SERPINE2: variants seen among roughly 807,000 people sequenced by gnomAD.
The protein encoded by SERPINE2 is serpin family E member 2.
In SERPINE2, 14 loss-of-function variants were observed where a neutral mutation model predicts 36.3. The ratio of observed to expected loss-of-function variants is 0.39; its 90% CI spans 0.25 to 0.60. The LOEUF (loss-of-function observed/expected upper bound fraction) is 0.60. Among genes scored for constraint, SERPINE2 ranks in the 20% least tolerant of loss-of-function variants. The pLI is 0.57. For synonymous variants in SERPINE2, 192 were observed against 191.8 expected, an observed-to-expected ratio of 1.00 and a Z score of -0.01; for missense variants, 418 against 499.6, an observed-to-expected ratio of 0.84 and a Z score of 1.56.
At chr2:223,994,976 A>T (rs1287161855) in intron 3 of SERPINE2, among the ~76,000 whole-genome samples, 1 of 152,200 alleles carries the variant, frequency 6.6e-6, no homozygotes, top group African/African-American at 2.4e-5. Flanking sequence ...CAAACTCAGA[A>T]TGTGTGCTTT....
chr2:224,030,344 G>A (rs1410632120), intron 1 of SERPINE2: 1 of 457,758 alleles, frequency 2.2e-6, no homozygotes, highest in Admixed American at 6.4e-5. Flanking sequence ...ACACGAGGAA[G>A]ACATGAGTCT....
In SERPINE2 at chr2:224,008,012, G is replaced by A. The variant is rs143282846; in HGVS notation, c.-22-6090C>T. 1.8e-3 allele frequency among the ~76,000 whole-genome samples: 271 copies of A among 152,322 alleles called. 1 individual carries two copies. Among genetic ancestry groups the A allele is most frequent in the Middle Eastern group, 0.017 (5 of 294 alleles). On this transcript the variant is annotated intron_variant, in intron 1 of 8. Coordinates refer to ENST00000409304, the MANE Select transcript of SERPINE2 (RefSeq NM_001136528.2). ...GATAGGGAGCTGAGCAGAGGTGCCC[G>A]GCTGCAAGAGAGACGGTATAGCCTG...
chr2:224,018,744 TG>T (rs1691885106), intron 1 of SERPINE2, among the ~76,000 whole-genome samples: 1 of 152,212 alleles, frequency 6.6e-6, no homozygotes, highest in Admixed American at 6.5e-5. Context: ...CACCACCAAC[TG>T]TTCATCCAAG....
chr2:223,975,870 G>T lies in SERPINE2; in HGVS notation c.1191C>A (p.Pro397=). 6.3e-7 allele frequency: 1 copy of T among 1,592,118 alleles called. No individual in the cohort carries two copies. The highest frequency in any genetic ancestry group is 1.7e-4 in the Middle Eastern group (1 of 5,962). Residue 397 remains proline (P), a synonymous_variant, in exon 9 of 9, where the codon CCC becomes CCA. Coordinates refer to ENST00000409304, the MANE Select transcript of SERPINE2 (RefSeq NM_001136528.2). ...AVLFMGQINK[P] is the part of the protein sequence containing the mutation. ...CATGGTTTCTTTTGTATACTCTTCA[G>T]GGTTTGTTTATCTGCCCCATGAATA...
At chr2:224,011,788 A>C (rs1346933381) in intron 1 of SERPINE2, among the ~76,000 whole-genome samples, 1 of 152,228 alleles carries the variant, frequency 6.6e-6, no homozygotes, top group African/African-American at 2.4e-5. Flanking sequence ...AGGTCCAAAA[A>C]TGTTTACTAT....
chr2:224,006,825 G>A (rs947217112), intron 1 of SERPINE2, among the ~76,000 whole-genome samples: 3 of 152,214 alleles, frequency 2.0e-5, no homozygotes, highest in Non-Finnish European at 4.4e-5. Flanking sequence ...GGACGTTCTA[G>A]TACTACTGGA....
chr2:224,034,014 G>C (rs1210228409), intron 1 of SERPINE2, among the ~76,000 whole-genome samples: 1 of 152,168 alleles, frequency 6.6e-6, no homozygotes, highest in Admixed American at 6.5e-5. Context: ...CTTTGAGTCT[G>C]GAATACAAAC....
rs574026746 is a variant in SERPINE2 at position 224,038,542 on chromosome 2, G to A, written c.-23+557C>T. Reference sequence around the variant, plus strand: ...CCCGTTTCTACAGATGATGAAAATAGCAAAGACCTGCTCGCTCGGGTTAAA... The same window carrying A: ...CCCGTTTCTACAGATGATGAAAATAACAAAGACCTGCTCGCTCGGGTTAAA... On this transcript the variant is annotated intron_variant, in intron 1 of 8. Coordinates refer to ENST00000409304, the MANE Select transcript of SERPINE2 (RefSeq NM_001136528.2). 2.9e-5 allele frequency: 45 copies of A among 1,548,928 alleles called. No homozygotes were observed. In the African/African-American group the frequency reaches 5.6e-4, roughly 19 times the overall value.
intron 1 of SERPINE2, chr2:224,030,217 G>A (rs974289142): frequency 2.0e-6 from 2 of 985,308 alleles, no homozygotes; most frequent in Non-Finnish European, 2.4e-6. Flanking sequence ...CCTGCGGGCA[G>A]GACAGATGAC....
At chr2:223,997,420 A>G (rs1690935310) in intron 3 of SERPINE2, among the ~76,000 whole-genome samples, 1 of 152,094 alleles carries the variant, frequency 6.6e-6, no homozygotes, top group African/African-American at 2.4e-5. Context: ...GGGATAAACC[A>G]TGTTGGCCAG....
At chr2:224,031,069 A>T in intron 1 of SERPINE2, 1 of 983,856 alleles carries the variant, frequency 1.0e-6, no homozygotes, top group Non-Finnish European at 1.2e-6. Flanking sequence ...TGAAAGGAGG[A>T]GTGTGCTTTG....
At chr2:224,019,338 CTTACTG>C (rs1218366008) in intron 1 of SERPINE2, among the ~76,000 whole-genome samples, 1 of 152,156 alleles carries the variant, frequency 6.6e-6, no homozygotes, top group East Asian at 1.9e-4. Context: ...CTCAAAACAT[CTTACTG>C]TACTGCATGT....
At chr2:223,983,734 A>G (rs927837362) in intron 5 of SERPINE2, among the ~76,000 whole-genome samples, 17 of 77,334 alleles carry the variant, frequency 2.2e-4, no homozygotes, top group African/African-American at 8.2e-4. Flanking sequence ...ATATGTGTGT[A>G]TATGTGTGTG....
intron 1 of SERPINE2, among the ~76,000 whole-genome samples, chr2:224,025,809 C>T (rs184157934): frequency 2.0e-5 from 3 of 150,750 alleles, no homozygotes; most frequent in Admixed American, 1.3e-4. Flanking sequence ...AAGAAAGTTG[C>T]CCTCAGAGGC....
intron 1 of SERPINE2, among the ~76,000 whole-genome samples, chr2:224,009,725 A>C (rs928745291): frequency 1.3e-5 from 2 of 152,090 alleles, no homozygotes; most frequent in African/African-American, 2.4e-5. Flanking sequence ...ACAAATGTAC[A>C]GGCAAGGTTT....
At chr2:224,012,129 G>A (rs1031906912) in intron 1 of SERPINE2, among the ~76,000 whole-genome samples, 3 of 152,190 alleles carry the variant, frequency 2.0e-5, no homozygotes, top group Non-Finnish European at 1.5e-5. Flanking sequence ...AGCTCTGAGT[G>A]TGGGACTTCA....
At chr2:224,018,104 AG>A (rs1171965697) in intron 1 of SERPINE2, among the ~76,000 whole-genome samples, 1 of 152,192 alleles carries the variant, frequency 6.6e-6, no homozygotes. Flanking sequence ...TGCCCTCCCC[AG>A]GGGAAGCAGC....
chr2:224,023,823 T>C (rs76921085), intron 1 of SERPINE2, among the ~76,000 whole-genome samples: 21,403 of 152,174 alleles, frequency 0.14, 1,765 homozygotes, highest in East Asian at 0.22. Context: ...CTTTTCTTTT[T>C]CAGTTCTCCA....
chr2:224,028,328 A>G (rs1692251708), intron 1 of SERPINE2, among the ~76,000 whole-genome samples: 1 of 152,190 alleles, frequency 6.6e-6, no homozygotes, highest in South Asian at 2.1e-4. Context: ...ATCATTCTCT[A>G]TTCTCTAGCT....
Sources: allele counts gnomAD v4.1 joint callset (sites outside exome capture counted in the v4.1 genomes callset), GRCh38; gene constraint gnomAD v4.1.1; transcripts MANE v1.5; gene names NCBI Gene and HGNC (gene_info 2026-07-23, HGNC 2026-07-21).